The following CACNG2 variants were observed in gnomAD, a reference collection of about 807,000 sequenced individuals.
The protein encoded by CACNG2 is voltage-dependent calcium channel gamma-2 subunit.
CACNG2 carries 3 observed loss-of-function variants against 25.9 expected under a neutral mutation model. The observed-to-expected ratio is 0.12, with a 90% CI of 0.05 to 0.30. The LOEUF is 0.30. Among genes scored for constraint, CACNG2 ranks in the 10% least tolerant of loss-of-function variants. The probability of loss-of-function intolerance (pLI) is 1.00; values close to 1 mark genes in which losing one functional copy is unlikely to be tolerated. For missense variants in CACNG2, 341 were observed against 432.5 expected, an observed-to-expected ratio of 0.79 and a Z score of 1.88; for synonymous variants, 167 against 173.3, an observed-to-expected ratio of 0.96 and a Z score of 0.29.
At chr22:36,608,155 T>C (rs184907651) in intron 1 of CACNG2, among the ~76,000 whole-genome samples, 2 of 151,868 alleles carry the variant, frequency 1.3e-5, no homozygotes, top group East Asian at 3.9e-4. Flanking sequence ...ACAGAGGGGG[T>C]TCAGCTGCCT....
intron 1 of CACNG2, among the ~76,000 whole-genome samples, chr22:36,638,137 C>T (rs1936385942): frequency 6.6e-6 from 1 of 152,208 alleles, no homozygotes; most frequent in African/African-American, 2.4e-5. Flanking sequence ...CCATTTCCTG[C>T]TTCCAAAGGG....
intron 3 of CACNG2, 40 bp downstream of exon 3, chr22:36,566,313 G>A (rs941820562): frequency 6.2e-6 from 10 of 1,610,000 alleles, no homozygotes; most frequent in Non-Finnish European, 7.6e-6. Context: ...CCACACCCCA[G>A]CCTTCTTCCC....
At chr22:36,665,327 G>A (rs534174181) in intron 1 of CACNG2, among the ~76,000 whole-genome samples, 195 of 152,230 alleles carry the variant, frequency 1.3e-3, no homozygotes, top group African/African-American at 4.2e-3. Flanking sequence ...CCTTCTAGAC[G>A]TCCCTTTCCT....
intron 1 of CACNG2, among the ~76,000 whole-genome samples, chr22:36,694,228 A>T (rs1937303966): frequency 6.6e-6 from 1 of 152,160 alleles, no homozygotes; most frequent in Admixed American, 6.5e-5. Context: ...AGATTTTTGA[A>T]ATTAGAGTGT....
chr22:36,574,056 G>A (rs1458421529), intron 2 of CACNG2, among the ~76,000 whole-genome samples: 1 of 152,122 alleles, frequency 6.6e-6, no homozygotes, highest in East Asian at 1.9e-4. Context: ...GAGCACCTAA[G>A]GAGAGGAGGC....
At chr22:36,582,930 G>A (rs189950512) in intron 2 of CACNG2, among the ~76,000 whole-genome samples, 4 of 152,180 alleles carry the variant, frequency 2.6e-5, no homozygotes, top group Non-Finnish European at 5.9e-5. Flanking sequence ...TGGAGTGTGT[G>A]AATTGCTCAC....
intron 1 of CACNG2, among the ~76,000 whole-genome samples, chr22:36,597,186 CGA>C (rs1310322955): frequency 6.6e-6 from 1 of 152,054 alleles, no homozygotes; most frequent in Non-Finnish European, 1.5e-5. Flanking sequence ...TCACTCCTGG[CGA>C]ATTTTTTGTA....
Position 36,702,361 on chromosome 22 carries a change from A to G in CACNG2, c.211+5T>C. On this transcript the variant is annotated splice_donor_5th_base_variant and intron_variant, in intron 1 of 3. Coordinates refer to ENST00000300105, the MANE Select transcript of CACNG2 (RefSeq NM_006078.5). ...AGAGGGGGGAGGAGATGGGAAGTCA[A>G]GTACCTTCTAGGCAGCAGGTTCTCC... The G allele has an allele frequency of 6.2e-7, 1 of 1,608,774 alleles. No individual in the cohort carries two copies. The highest frequency in any genetic ancestry group is 1.7e-5 in the Admixed American group (1 of 60,002).
intron 1 of CACNG2, among the ~76,000 whole-genome samples, chr22:36,645,858 G>A (rs1936515715): frequency 6.6e-6 from 1 of 152,136 alleles, no homozygotes; most frequent in African/African-American, 2.4e-5. Flanking sequence ...ATAAGAAGCA[G>A]CCATGTGTAT....
At chr22:36,600,335 G>A (rs980985015) in intron 1 of CACNG2, among the ~76,000 whole-genome samples, 2 of 150,418 alleles carry the variant, frequency 1.3e-5, no homozygotes, top group African/African-American at 2.5e-5. Flanking sequence ...CTGTGACCTC[G>A]AACTCTTGGG....
chr22:36,623,731 C>T (rs1433695186), intron 1 of CACNG2, among the ~76,000 whole-genome samples: 2 of 151,718 alleles, frequency 1.3e-5, no homozygotes, highest in Non-Finnish European at 1.5e-5. Context: ...ATGATGATGA[C>T]GATGGTAATA....
chr22:36,582,625 T>C (rs376847812), intron 2 of CACNG2, among the ~76,000 whole-genome samples: 10 of 151,214 alleles, frequency 6.6e-5, no homozygotes, highest in Admixed American at 4.6e-4. Context: ...GTCAGGCTGG[T>C]CTCGAACTCC....
intron 1 of CACNG2, among the ~76,000 whole-genome samples, chr22:36,643,310 T>TTCTC (rs1936470135): frequency 6.6e-6 from 1 of 151,540 alleles, no homozygotes; most frequent in East Asian, 1.9e-4. Flanking sequence ...TCTTCCTTCC[T>TTCTC]TCTCTCTCTC....
chr22:36,696,686 G>A (rs1937346310), intron 1 of CACNG2, among the ~76,000 whole-genome samples: 1 of 152,200 alleles, frequency 6.6e-6, no homozygotes, highest in Non-Finnish European at 1.5e-5. Context: ...CGTGCTACAA[G>A]GTGGTAAGTA....
At position 36,655,877 on chromosome 22, in the gene CACNG2, G is replaced by A. The variant is rs142290586; in HGVS notation, c.211+46489C>T. On this transcript the variant is annotated intron_variant, in intron 1 of 3. Transcript: ENST00000300105. ...GGCTGGAGTGCAGTGGTGTGATCTC[G>A]GCTCACCGCAATCTCCACCACCCGG... Among the ~76,000 whole-genome samples the A allele has an allele frequency of 9.6e-3, 1,395 of 145,926 alleles. 76 individuals are homozygous for A. Among genetic ancestry groups the A allele is most frequent in the Admixed American group, 0.084 (1,227 of 14,564 alleles).
At chr22:36,696,400 T>G (rs1268464118) in intron 1 of CACNG2, among the ~76,000 whole-genome samples, 1 of 152,202 alleles carries the variant, frequency 6.6e-6, no homozygotes, top group African/African-American at 2.4e-5. Flanking sequence ...TATTTATTTT[T>G]TAGAATGTTA....
At chr22:36,652,226 G>A (rs763712488) in intron 1 of CACNG2, among the ~76,000 whole-genome samples, 1 of 151,880 alleles carries the variant, frequency 6.6e-6, no homozygotes, top group Non-Finnish European at 1.5e-5. Flanking sequence ...ACCACTCTCC[G>A]CCAGGCTGTG....
At chr22:36,571,792 G>A (rs8142693) in intron 2 of CACNG2, among the ~76,000 whole-genome samples, 13,443 of 150,732 alleles carry the variant, frequency 0.089, 658 homozygotes, top group Middle Eastern at 0.13. Context: ...CAGGAGAATC[G>A]CTTGAACGCG....
intron 2 of CACNG2, 130 bp from the exon 3 acceptor site, chr22:36,566,623 T>C: frequency 1.0e-6 from 1 of 1,003,564 alleles, no homozygotes; most frequent in Non-Finnish European, 1.5e-6. Flanking sequence ...AGAGGTTGCT[T>C]TGCAATCCTA....
Sources: allele counts gnomAD v4.1 joint callset (sites outside exome capture counted in the v4.1 genomes callset), GRCh38; gene constraint gnomAD v4.1.1; transcripts MANE v1.5; gene names NCBI Gene and HGNC (gene_info 2026-07-23, HGNC 2026-07-21).